Variants in LTBP4 observed in about 807,000 individuals in gnomAD.
LTBP4 encodes the protein latent transforming growth factor beta binding protein 4, also known as latent-transforming growth factor beta-binding protein 4.
LTBP4 carries 93 observed loss-of-function variants against 180.2 expected under a neutral mutation model. That is an observed-to-expected ratio of 0.52 (90% CI 0.44 to 0.61). The LOEUF is 0.61. LTBP4 is among the 20% of genes least tolerant of loss of function. LTBP4 has a pLI of 0.00. For synonymous variants in LTBP4, 947 were observed against 934.5 expected (o/e 1.01, Z -0.24); for missense variants, 2,116 against 2,256.5 (o/e 0.94, Z 1.26).
In LTBP4 at chr19:40,611,960, A is replaced by G. The variant is rs1354086399; in HGVS notation, c.2155A>G (p.Asn719Asp). The G allele has an allele frequency of 1.2e-6, 2 of 1,611,636 alleles. No individual in the cohort carries two copies. The highest frequency in any genetic ancestry group is 1.7e-6 in the Non-Finnish European group (2 of 1,178,888). Residue 719 changes from asparagine to aspartate, a missense_variant, in exon 14 of 30, where the codon AAC becomes GAC. Asn to Asp is a conservative substitution (Grantham distance 23). Coordinates refer to ENST00000396819, the MANE Select transcript of LTBP4 (RefSeq NM_001042545.2). This position sits in a 1 kb window ranked among gnomAD's most constrained non-coding sequence, Gnocchi z 4.4. ...QCVCPMGFQP[N>D]TAGSECEDVD... The stretch of plus-strand genomic sequence containing the variant: ...TGTCTGCCCCATGGGCTTCCAACCC[A>G]ACACTGCTGGCTCCGAGTGCGAGGG...
At chr19:40,626,295 A>G (rs2081633328) in intron 27 of LTBP4, among the ~76,000 whole-genome samples, 1 of 151,918 alleles carries the variant, frequency 6.6e-6, no homozygotes, top group Non-Finnish European at 1.5e-5. Flanking sequence ...TGGTCTCTAG[A>G]ACCACCAGAC....
At chr19:40,621,997 C>T (rs1029536889) in intron 22 of LTBP4, among the ~76,000 whole-genome samples, 6 of 152,126 alleles carry the variant, frequency 3.9e-5, no homozygotes, top group Non-Finnish European at 8.8e-5. Flanking sequence ...AATCCAACCG[C>T]GTCGGCCTCC....
chr19:40,599,489 C>T (rs201169987), upstream of LTBP4: 75 of 1,613,632 alleles, frequency 4.6e-5, no homozygotes, highest in Non-Finnish European at 5.7e-5. Flanking sequence ...GAACCCAGTG[C>T]CTGCAGTGCC....
chr19:40,608,902 C>CAAA (rs538438732), intron 9 of LTBP4: 1,057 of 82,604 alleles, frequency 0.013, 36 homozygotes, highest in African/African-American at 0.035. Context: ...CACTCCATCT[C>CAAA]AAAAAAAAAA....
Position 40,596,365 on chromosome 19 carries a change from G to A in LTBP4, c.17-2832G>A, listed in dbSNP as rs143420906. ...CGCGCCAGGGCACCTAGCCGGAACT[G>A]GGAACTCTCTAAGGAGAAAGTCTGC... On this transcript the variant is annotated intron_variant, in intron 1 of 32. Transcript: ENST00000204005. Among the ~76,000 whole-genome samples the A allele has an allele frequency of 4.2e-3, 639 of 152,280 alleles. 2 individuals carry two copies. The highest frequency in any genetic ancestry group is 0.015 in the African/African-American group (627 of 41,550).
At chr19:40,615,193 C>CGGGAGGGG (rs2081539037) in intron 19 of LTBP4, 1 of 23,598 alleles carries the variant, frequency 4.2e-5, no homozygotes, top group African/African-American at 1.7e-4. Flanking sequence ...TTTGTGTCGG[C>CGGGAGGGG]GGGGGGGGGG....
upstream of LTBP4, among the ~76,000 whole-genome samples, chr19:40,598,813 G>A (rs2081404965): frequency 1.3e-5 from 2 of 152,242 alleles, no homozygotes; most frequent in South Asian, 4.1e-4. Flanking sequence ...TCCCGGACCG[G>A]GATGTGCGGG....
At chr19:40,626,701 A>G (rs1195476129) in intron 27 of LTBP4, among the ~76,000 whole-genome samples, 1 of 151,856 alleles carries the variant, frequency 6.6e-6, no homozygotes, top group African/African-American at 2.4e-5. Context: ...GAACACCCCC[A>G]TCTAATTTCT....
intron 19 of LTBP4, among the ~76,000 whole-genome samples, chr19:40,614,772 C>T (rs2081535050): frequency 2.0e-5 from 3 of 152,062 alleles, no homozygotes; most frequent in African/African-American, 7.2e-5. Context: ...GGATTAAAAC[C>T]CCCTCTTCAG....
intron 18 of LTBP4, 102 bp downstream of exon 18, chr19:40,614,140 T>G (rs1599869328): frequency 6.8e-7 from 1 of 1,480,416 alleles, no homozygotes; most frequent in East Asian, 2.4e-5. Context: ...TCCCCTCCCC[T>G]TACCTCTTTC....
intron 7 of LTBP4, 105 bp downstream of exon 7, chr19:40,607,634 G>C: frequency 1.5e-6 from 2 of 1,328,488 alleles, no homozygotes; most frequent in Non-Finnish European, 2.0e-6. Context: ...GACTGGCTGG[G>C]CTCCAGCCTT....
In LTBP4 at chr19:40,625,897, C is replaced by T; in HGVS notation, c.3873C>T (p.Asp1291=). Residue 1291 remains aspartate (D), a synonymous_variant, in exon 27 of 30, where the codon GAC becomes GAT. Transcript: ENST00000396819. Reference sequence around the variant, plus strand: ...TGTGCTGGCAGGAAGTGGGGGCTGACCTCGTGTGCAGCCACCCTCGGCTGG... The same window carrying T: ...TGTGCTGGCAGGAAGTGGGGGCTGATCTCGTGTGCAGCCACCCTCGGCTGG... ...LGVCWQEVGA[D]LVCSHPRLDR... 4 of 1,599,460 alleles carry T rather than the reference C, an allele frequency of 2.5e-6. No individual in the cohort carries two copies. The highest frequency in any genetic ancestry group is 1.1e-5 in the South Asian group (1 of 87,992).
rs371166802 is a variant in LTBP4 at position 40,619,441 on chromosome 19, G to A, written c.3165G>A (p.Pro1055=). The A allele has an allele frequency of 8.1e-6, 13 of 1,613,674 alleles. No homozygotes were observed. Among genetic ancestry groups the A allele is most frequent in the African/African-American group, 6.7e-5 (5 of 74,900 alleles). ...TCCTCTGTGTCTGCCCCAACAGCCC[G>A]GAAGAGTTTGACCCCATGACTGGAC... ...GSFLCVCPNS[P]EEFDPMTGRC... is the part of the protein sequence containing the mutation. The change falls in exon 22 of 30, where the codon CCG becomes CCA. Residue 1055 remains proline (P), a synonymous_variant. Transcript: ENST00000396819.
intron 21 of LTBP4, 103 bp downstream of exon 21, chr19:40,617,328 G>C: frequency 7.0e-7 from 1 of 1,424,034 alleles, no homozygotes. Flanking sequence ...TTCGGGTTGT[G>C]GAATTTAGAC....
intron 7 of LTBP4, 90 bp from the exon 8 acceptor site, chr19:40,608,130 C>T (rs750436670): frequency 6.8e-5 from 99 of 1,447,332 alleles, no homozygotes; most frequent in Non-Finnish European, 8.9e-5. Flanking sequence ...TCCAGCCAAG[C>T]CCTGCCCCTA....
rs2081422845 is a variant in LTBP4 at position 40,601,407 on chromosome 19, T to C, written c.20T>C (p.Leu7Pro). 18 of 1,347,456 alleles carry C rather than the reference T, an allele frequency of 1.3e-5. No individual in the cohort carries two copies. The highest frequency in any genetic ancestry group is 1.6e-5 in the Non-Finnish European group (17 of 1,043,324). 83.5% of individuals were successfully genotyped at this position (1,347,456 alleles called of 1,614,324 possible). MAGGVR[L>P]LWVSLLVLLA... ...GCAGCCATGGCGGGCGGCGTGCGGCTGCTCTGGGTGTCGCTATTGGTGCTG... is the reference window on the plus strand; with the variant it reads ...GCAGCCATGGCGGGCGGCGTGCGGCCGCTCTGGGTGTCGCTATTGGTGCTG... The change falls in exon 1 of 30, where the codon CTG becomes CCG. Residue 7 changes from leucine to proline, a missense_variant. Physicochemically the swap from Leu to Pro is moderately conservative, Grantham distance 98 (BLOSUM62 -3). Around this residue, in one of 5 missense-constraint regions of LTBP4, gnomAD observed 469 missense variants for 532.5 expected, o/e 0.88. Transcript: ENST00000396819.
chr19:40,597,987 T>G (rs993733668), upstream of LTBP4, among the ~76,000 whole-genome samples: 2 of 152,054 alleles, frequency 1.3e-5, no homozygotes, highest in Non-Finnish European at 2.9e-5. Flanking sequence ...ATTAGAGGAC[T>G]CTGGGATTGA....
chr19:40,604,004 C>T (rs1358545853), intron 1 of LTBP4, among the ~76,000 whole-genome samples: 4 of 152,264 alleles, frequency 2.6e-5, no homozygotes, highest in Non-Finnish European at 5.9e-5. Flanking sequence ...CTCGTGGCTC[C>T]GCCCCGGTGC....
At chr19:40,625,272 A>T (rs1461517177) in intron 26 of LTBP4, among the ~76,000 whole-genome samples, 1 of 3,778 alleles carries the variant, frequency 2.6e-4, no homozygotes. Flanking sequence ...ATATATATAT[A>T]TATATATATA....
Sources: allele counts gnomAD v4.1 joint callset (sites outside exome capture counted in the v4.1 genomes callset), GRCh38; gene constraint gnomAD v4.1.1; regional missense constraint gnomAD v4.1.1; non-coding constraint Gnocchi (gnomAD v3.1); transcripts MANE v1.5; gene names NCBI Gene and HGNC (gene_info 2026-07-23, HGNC 2026-07-21).